The following LINGO2 variants were observed in gnomAD, a reference collection of about 807,000 sequenced individuals.
The protein encoded by LINGO2 is leucine rich repeat and Ig domain containing 2, also known as leucine-rich repeat and immunoglobulin-like domain-containing nogo receptor-interacting protein 2.
In LINGO2, 14 loss-of-function variants were observed where a neutral mutation model predicts 30.6. The ratio of observed to expected loss-of-function variants is 0.46; its 90% CI spans 0.30 to 0.72. The LOEUF (loss-of-function observed/expected upper bound fraction) is 0.72. LINGO2 is among the 30% of genes least tolerant of loss of function. The pLI is 0.07. For missense variants in LINGO2, 729 were observed against 751.7 expected, an observed-to-expected ratio of 0.97 and a Z score of 0.35; for synonymous variants, 317 against 288.5, an observed-to-expected ratio of 1.10 and a Z score of -1.00.
At chr9:28,093,752 G>T (rs1036038470) in intron 4 of LINGO2, among the ~76,000 whole-genome samples, 2 of 151,992 alleles carry the variant, frequency 1.3e-5, no homozygotes, top group Admixed American at 1.3e-4. Flanking sequence ...TCAACCAGGA[G>T]CATTAGTGTG....
At chr9:28,094,546 A>G (rs1290362598) in intron 4 of LINGO2, among the ~76,000 whole-genome samples, 1 of 151,904 alleles carries the variant, frequency 6.6e-6, no homozygotes, top group African/African-American at 2.4e-5. Context: ...AGAGAGAGAG[A>G]GAGTAAATAT....
At chr9:28,797,351 T>TAGAGAG in the LINGO2 span, among the ~76,000 whole-genome samples, 428 of 62,332 alleles carry the variant, frequency 6.9e-3, no homozygotes, top group Middle Eastern at 9.3e-3. Context: ...TATATATATA[T>TAGAGAG]ATATATATAG....
At chr9:28,378,205 T>C (rs1347029932) in intron 2 of LINGO2, among the ~76,000 whole-genome samples, 1 of 152,172 alleles carries the variant, frequency 6.6e-6, no homozygotes, top group Non-Finnish European at 1.5e-5. Flanking sequence ...CCAAGAAAGG[T>C]ATCCTAACCT....
chr9:28,051,313 G>A (rs753049546), intron 4 of LINGO2, among the ~76,000 whole-genome samples: 50 of 151,930 alleles, frequency 3.3e-4, no homozygotes, highest in South Asian at 6.2e-4. Context: ...AAATCCCTCC[G>A]TCTCTGCAGA....
At chr9:28,145,422 T>C (rs543050747) in intron 4 of LINGO2, among the ~76,000 whole-genome samples, 3 of 152,360 alleles carry the variant, frequency 2.0e-5, no homozygotes, top group African/African-American at 7.2e-5. Context: ...AATATGTTTA[T>C]ATAGTATTTT....
chr9:28,289,990 C>G (rs1823658469), intron 4 of LINGO2, among the ~76,000 whole-genome samples: 2 of 152,220 alleles, frequency 1.3e-5, no homozygotes. Context: ...CTTTGGCTCA[C>G]AGCCAGGAGA....
chr9:29,078,887 ATT>A, the LINGO2 span, among the ~76,000 whole-genome samples: 1 of 151,802 alleles, frequency 6.6e-6, no homozygotes, highest in South Asian at 2.1e-4. Context: ...TCAAGGCTGA[ATT>A]TTTTTTAACA....
chr9:28,166,332 T>G (rs1828425359), intron 4 of LINGO2, among the ~76,000 whole-genome samples: 1 of 152,210 alleles, frequency 6.6e-6, no homozygotes, highest in African/African-American at 2.4e-5. Context: ...AACTCCAGAC[T>G]TGTCCGGTGC....
the LINGO2 span, among the ~76,000 whole-genome samples, chr9:28,825,412 C>A: frequency 7.0e-6 from 1 of 143,768 alleles, no homozygotes; most frequent in Non-Finnish European, 1.6e-5. Context: ...AAGCAGGAGT[C>A]GAATTGCAGA....
At chr9:28,351,419 C>T (rs905918578) in intron 3 of LINGO2, among the ~76,000 whole-genome samples, 25 of 151,312 alleles carry the variant, frequency 1.7e-4, no homozygotes, top group African/African-American at 5.8e-4. Flanking sequence ...ATAAATTCCT[C>T]GACACATACG....
intron 2 of LINGO2, among the ~76,000 whole-genome samples, chr9:28,373,245 A>T (rs1398105281): frequency 3.3e-5 from 5 of 152,176 alleles, no homozygotes; most frequent in Non-Finnish European, 7.3e-5. Context: ...GATTTTTGAT[A>T]AATTCAGGCA....
intron 1 of LINGO2, among the ~76,000 whole-genome samples, chr9:28,590,494 G>C (rs543573490): frequency 1.3e-5 from 2 of 151,680 alleles, no homozygotes; most frequent in Admixed American, 6.6e-5. Context: ...AAAAGTGGGC[G>C]AAGGATATGA....
At chr9:28,481,566 T>C (rs1466391430) in intron 1 of LINGO2, among the ~76,000 whole-genome samples, 3 of 152,088 alleles carry the variant, frequency 2.0e-5, no homozygotes, top group African/African-American at 7.2e-5. Context: ...CTCTATTACT[T>C]TCAACTGGAA....
chr9:28,268,631 A>G (rs992196045), intron 4 of LINGO2, among the ~76,000 whole-genome samples: 4 of 152,126 alleles, frequency 2.6e-5, no homozygotes, highest in African/African-American at 9.7e-5. Flanking sequence ...AATGATTTAT[A>G]TCAAATTACA....
chr9:28,816,260 A>C, the LINGO2 span, among the ~76,000 whole-genome samples: 5 of 152,238 alleles, frequency 3.3e-5, no homozygotes, highest in Admixed American at 3.3e-4. Flanking sequence ...GGACACATTT[A>C]AACCACAGAA....
At chr9:28,165,317 G>C (rs1449198661) in intron 4 of LINGO2, among the ~76,000 whole-genome samples, 1 of 152,132 alleles carries the variant, frequency 6.6e-6, no homozygotes, top group African/African-American at 2.4e-5. Context: ...ACTGAATTTT[G>C]TTTCTTCACT....
intron 1 of LINGO2, among the ~76,000 whole-genome samples, chr9:28,540,754 C>T (rs2135461087): frequency 6.6e-6 from 1 of 152,268 alleles, no homozygotes; most frequent in East Asian, 1.9e-4. Context: ...TTAACGATTA[C>T]ATTAATTCCA....
At chr9:27,994,560 G>A (rs1821562781) in intron 5 of LINGO2, among the ~76,000 whole-genome samples, 1 of 152,078 alleles carries the variant, frequency 6.6e-6, no homozygotes, top group Non-Finnish European at 1.5e-5. Flanking sequence ...AGGCAGAAAG[G>A]AACACCCATT....
chr9:28,894,358 G>A, the LINGO2 span, among the ~76,000 whole-genome samples: 1 of 151,994 alleles, frequency 6.6e-6, no homozygotes, highest in East Asian at 1.9e-4. Context: ...TGTCTTACAT[G>A]TTACAACAAT....
Sources: allele counts gnomAD v4.1 joint callset (sites outside exome capture counted in the v4.1 genomes callset), GRCh38; gene constraint gnomAD v4.1.1; transcripts MANE v1.5; gene names NCBI Gene and HGNC (gene_info 2026-07-23, HGNC 2026-07-21).